TNS3: variants seen among roughly 807,000 people sequenced by gnomAD.
TNS3 encodes tensin-3.
In TNS3, 45 loss-of-function variants were observed where a neutral mutation model predicts 140.9. The ratio of observed to expected loss-of-function variants is 0.32; its 90% CI spans 0.25 to 0.41. TNS3 has a LOEUF of 0.41. Among genes scored for constraint, TNS3 ranks in the 10% least tolerant of loss-of-function variants. The pLI, the probability that TNS3 is intolerant of heterozygous loss-of-function variation, is 1.00. For missense variants in TNS3, 1,716 were observed against 1,906.7 expected (o/e 0.90, Z 1.86); for synonymous variants, 815 against 788.4 (o/e 1.03, Z -0.56).
rs1343293662 is a variant in TNS3, at chr7:47,521,460, A to G, written c.-153+7576T>C. 3.9e-5 allele frequency among the ~76,000 whole-genome samples: 6 copies of G among 152,214 alleles called. No individual in the cohort carries two copies. In the East Asian group the frequency reaches 1.2e-3, roughly 29 times the overall value. ...GGACGGAGGTGTCTGCCCTGTGCAC[A>G]GGCATCTGGTGAACAACACAGAGCC... On this transcript the variant is annotated intron_variant, in intron 2 of 30. Transcript: ENST00000311160.
At chr7:47,542,393 C>T (rs149931993) in intron 1 of TNS3, among the ~76,000 whole-genome samples, 2 of 152,284 alleles carry the variant, frequency 1.3e-5, no homozygotes, top group East Asian at 3.9e-4. Context: ...GAGTCCAAAT[C>T]CTTAGTCCCT....
chr7:47,569,463 G>A (rs1430604025), intron 1 of TNS3, among the ~76,000 whole-genome samples: 3 of 152,112 alleles, frequency 2.0e-5, no homozygotes. Flanking sequence ...AGAATTGCTC[G>A]AACCAGGGAG....
At position 47,379,423 on chromosome 7, in the gene TNS3, T is replaced by A. The variant is rs1378022947; in HGVS notation, c.1025-9802A>T. On this transcript the variant is annotated intron_variant, in intron 16 of 30. Transcript: ENST00000311160. ...TTCTGACTCTTTGCTAATTAATGAT[T>A]TTTGGAGTTTTTATTAAATCATTTT... Among the ~76,000 whole-genome samples the A allele has an allele frequency of 2.6e-5, 4 of 152,190 alleles. No homozygotes were observed. The East Asian group carries it at 7.7e-4, about 29-fold the overall frequency.
intron 12 of TNS3, 127 bp downstream of exon 12, chr7:47,413,810 G>T: frequency 8.4e-7 from 1 of 1,190,774 alleles, no homozygotes; most frequent in Non-Finnish European, 1.2e-6. Context: ...CTCTTCTTTG[G>T]CTTCTTGGCA....
chr7:47,435,219 C>T (rs1253837649), intron 8 of TNS3, 63 bp downstream of exon 8: 1 of 1,599,462 alleles, frequency 6.3e-7, no homozygotes, highest in African/African-American at 1.3e-5. Context: ...GCATTGGTCT[C>T]CATCTCAACT....
chr7:47,320,147 C>T (rs1034838893), intron 20 of TNS3, among the ~76,000 whole-genome samples: 3 of 152,124 alleles, frequency 2.0e-5, no homozygotes, highest in Non-Finnish European at 2.9e-5. Context: ...TGACTATCTG[C>T]GCGGTGCTCA....
intron 10 of TNS3, among the ~76,000 whole-genome samples, chr7:47,420,234 A>G (rs1312902617): frequency 6.6e-6 from 1 of 152,218 alleles, no homozygotes; most frequent in Non-Finnish European, 1.5e-5. Flanking sequence ...GACAGGCATG[A>G]GCAGGGCAGC....
intron 27 of TNS3, among the ~76,000 whole-genome samples, chr7:47,290,965 C>T (rs1785662012): frequency 6.6e-6 from 1 of 152,066 alleles, no homozygotes; most frequent in African/African-American, 2.4e-5. Context: ...GGTTACTAAA[C>T]TGATACACCC....
intron 4 of TNS3, among the ~76,000 whole-genome samples, chr7:47,443,508 A>G (rs1795572795): frequency 6.6e-6 from 1 of 152,250 alleles, no homozygotes; most frequent in Non-Finnish European, 1.5e-5. Context: ...AAAACAGAAG[A>G]CTACTCTTTT....
At chr7:47,417,140 T>A (rs1249700651) in intron 10 of TNS3, among the ~76,000 whole-genome samples, 1 of 152,230 alleles carries the variant, frequency 6.6e-6, no homozygotes, top group East Asian at 1.9e-4. Flanking sequence ...TCTGGAGCGC[T>A]GGGCCTGAGG....
chr7:47,512,502 C>T (rs1798645895), intron 2 of TNS3, among the ~76,000 whole-genome samples: 1 of 152,156 alleles, frequency 6.6e-6, no homozygotes, highest in Admixed American at 6.5e-5. Context: ...TATTAGGTAG[C>T]TATTGAAAAA....
intron 4 of TNS3, among the ~76,000 whole-genome samples, chr7:47,461,575 G>A (rs944382208): frequency 6.6e-6 from 1 of 152,086 alleles, no homozygotes; most frequent in Non-Finnish European, 1.5e-5. Flanking sequence ...CTGAGGAGCC[G>A]GGCACTGCAT....
At chr7:47,333,553 T>C (rs760278683) in intron 20 of TNS3, among the ~76,000 whole-genome samples, 1 of 152,204 alleles carries the variant, frequency 6.6e-6, no homozygotes, top group Non-Finnish European at 1.5e-5. Context: ...CATATTCACA[T>C]TCAGTACATG....
At chr7:47,569,292 G>A (rs776565009) in intron 1 of TNS3, among the ~76,000 whole-genome samples, 91 of 151,916 alleles carry the variant, frequency 6.0e-4, no homozygotes, top group African/African-American at 9.9e-4. Flanking sequence ...CCTGTAATCC[G>A]AGCACTTTGG....
intron 1 of TNS3, among the ~76,000 whole-genome samples, chr7:47,566,454 C>T (rs1263200713): frequency 2.6e-5 from 4 of 152,216 alleles, no homozygotes; most frequent in African/African-American, 4.8e-5. Context: ...AAAGTAAATA[C>T]GATTTTCTCC....
At chr7:47,460,796 G>A (rs1284554269) in intron 4 of TNS3, among the ~76,000 whole-genome samples, 1 of 152,240 alleles carries the variant, frequency 6.6e-6, no homozygotes, top group Non-Finnish European at 1.5e-5. Context: ...TGGGCAATTT[G>A]ATGGGCATGC....
In TNS3 at chr7:47,369,171, C is replaced by G. The variant is rs755521060; in HGVS notation, c.1475G>C (p.Ser492Thr). 5 of 1,614,032 alleles carry G rather than the reference C, an allele frequency of 3.1e-6. No individual in the cohort carries two copies. The South Asian group carries it at 4.4e-5, about 14-fold the overall frequency. ...TTCCGAGGAGGACAGGGTCCCAAGG[C>G]TGTCCACACTGTGCAGGTCGTGGTG... ...MPHHDLHSVD[S>T]LGTLSSSEGP... Residue 492 changes from serine (S) to threonine (T), a missense_variant, in exon 17 of 31, where the codon AGC (serine) becomes ACC (threonine). Physicochemically the swap from Ser to Thr is moderately conservative, Grantham distance 58. Around this residue, in one of 3 missense-constraint regions of TNS3, gnomAD observed 1,163 missense variants for 1,182.1 expected, o/e 0.98. Transcript: ENST00000311160.
intron 16 of TNS3, among the ~76,000 whole-genome samples, chr7:47,389,797 G>A (rs1194557719): frequency 1.3e-5 from 2 of 152,254 alleles, no homozygotes; most frequent in Non-Finnish European, 2.9e-5. Context: ...GTCCTTTGGT[G>A]TTTGTGGGTT....
At chr7:47,376,205 A>G (rs1791375347) in intron 16 of TNS3, among the ~76,000 whole-genome samples, 1 of 152,198 alleles carries the variant, frequency 6.6e-6, no homozygotes, top group African/African-American at 2.4e-5. Context: ...GGGAACAGAG[A>G]GAGAAACAAG....
Sources: allele counts gnomAD v4.1 joint callset (sites outside exome capture counted in the v4.1 genomes callset), GRCh38; gene constraint gnomAD v4.1.1; regional missense constraint gnomAD v4.1.1; transcripts MANE v1.5; gene names NCBI Gene and HGNC (gene_info 2026-07-23, HGNC 2026-07-21).